The following NEGR1 variants were observed in gnomAD, a reference collection of about 807,000 sequenced individuals.
NEGR1 encodes neuronal growth regulator 1, also known as IgLON family member 4.
A neutral mutation model predicts 40.9 loss-of-function variants in NEGR1; 10 were observed. That is an observed-to-expected ratio of 0.24 (90% CI 0.15 to 0.42). The LOEUF is 0.42. Ranked by LOEUF, NEGR1 falls within the 10% of genes least tolerant of loss-of-function variation. The pLI is 1.00. For synonymous variants in NEGR1, 185 were observed against 166.8 expected (o/e 1.11, Z -0.84); for missense variants, 352 against 438.9 (o/e 0.80, Z 1.77).
chr1:72,210,484 T>C (rs528702105), intron 1 of NEGR1, among the ~76,000 whole-genome samples: 105 of 152,010 alleles, frequency 6.9e-4, no homozygotes, highest in African/African-American at 2.5e-3. Flanking sequence ...CATTATTACT[T>C]TAAGGAATAA....
Position 71,480,660 on chromosome 1 carries a change from C to A in NEGR1, c.941-73090G>T, listed in dbSNP as rs374996633. ...ATGATGTCTGTTGTCAGAGACCTTACTTCTATCTATACCACTATGCTGACT... is the reference window on the plus strand; with the variant it reads ...ATGATGTCTGTTGTCAGAGACCTTAATTCTATCTATACCACTATGCTGACT... On this transcript the variant is annotated intron_variant, in intron 6 of 6. Transcript: ENST00000357731. Among the ~76,000 whole-genome samples, 35 of 151,980 alleles carry A rather than the reference C, an allele frequency of 2.3e-4. 1 individual carries two copies. The East Asian group carries it at 3.9e-3, about 17-fold the overall frequency.
chr1:72,135,858 A>G (rs1650443409), intron 1 of NEGR1, among the ~76,000 whole-genome samples: 1 of 152,226 alleles, frequency 6.6e-6, no homozygotes, highest in Non-Finnish European at 1.5e-5. Context: ...TACTTTTAGT[A>G]GCTAGACTTG....
intron 4 of NEGR1, among the ~76,000 whole-genome samples, chr1:71,624,578 G>T (rs987325426): frequency 6.6e-6 from 1 of 151,948 alleles, no homozygotes; most frequent in Non-Finnish European, 1.5e-5. Flanking sequence ...TGTCCAATCT[G>T]CTCTAGCAAT....
chr1:71,751,110 T>C (rs968611933), intron 3 of NEGR1, among the ~76,000 whole-genome samples: 2 of 151,954 alleles, frequency 1.3e-5, no homozygotes. Flanking sequence ...TTCTTTAGCC[T>C]GTATCCCTTT....
At chr1:72,129,000 T>C (rs1440572342) in intron 1 of NEGR1, among the ~76,000 whole-genome samples, 1 of 152,180 alleles carries the variant, frequency 6.6e-6, no homozygotes, top group African/African-American at 2.4e-5. Context: ...CCAGGTTCTC[T>C]GGCTTTTGGA....
chr1:71,618,159 C>A (rs1650501531), intron 4 of NEGR1, among the ~76,000 whole-genome samples: 2 of 152,154 alleles, frequency 1.3e-5, no homozygotes, highest in African/African-American at 4.8e-5. Context: ...GACCTTATTT[C>A]TCCCAGCTGG....
intron 6 of NEGR1, among the ~76,000 whole-genome samples, chr1:71,462,799 ATAAT>A (rs1407892008): frequency 1.3e-5 from 2 of 152,182 alleles, no homozygotes; most frequent in Non-Finnish European, 2.9e-5. Flanking sequence ...CTCAAAAGGA[ATAAT>A]TAATTAGTAT....
At chr1:71,781,985 TA>T (rs1261146578) in intron 2 of NEGR1, among the ~76,000 whole-genome samples, 3 of 152,154 alleles carry the variant, frequency 2.0e-5, no homozygotes, top group African/African-American at 4.8e-5. Context: ...GAGTGAATTT[TA>T]AAAGATCAAA....
At chr1:71,529,769 C>T (rs1647298467) in intron 6 of NEGR1, among the ~76,000 whole-genome samples, 1 of 151,128 alleles carries the variant, frequency 6.6e-6, no homozygotes, top group South Asian at 2.1e-4. Context: ...TTTGCTAATT[C>T]ACCATATATC....
At chr1:72,225,454 A>AT (rs1262024244) in intron 1 of NEGR1, among the ~76,000 whole-genome samples, 15 of 151,744 alleles carry the variant, frequency 9.9e-5, no homozygotes, top group Non-Finnish European at 8.8e-5. Flanking sequence ...CATATTTTAC[A>AT]TAAAAATTAT....
intron 1 of NEGR1, among the ~76,000 whole-genome samples, chr1:72,000,576 G>A (rs2100380164): frequency 6.6e-6 from 1 of 152,092 alleles, no homozygotes; most frequent in East Asian, 1.9e-4. Flanking sequence ...TCTATTTTTA[G>A]TCAATATTTG....
chr1:71,626,667 C>CT (rs1172396217), intron 4 of NEGR1, among the ~76,000 whole-genome samples: 1 of 152,030 alleles, frequency 6.6e-6, no homozygotes, highest in African/African-American at 2.4e-5. Context: ...TAAAGAACTT[C>CT]TGCACTGCAA....
chr1:72,244,243 C>A (rs1333976464), intron 1 of NEGR1, among the ~76,000 whole-genome samples: 1 of 151,626 alleles, frequency 6.6e-6, no homozygotes, highest in Non-Finnish European at 1.5e-5. Context: ...AAGATATACA[C>A]CTTTTGGAAT....
chr1:72,118,303 T>A (rs1298898427), intron 1 of NEGR1, among the ~76,000 whole-genome samples: 2 of 151,880 alleles, frequency 1.3e-5, no homozygotes, highest in African/African-American at 4.8e-5. Flanking sequence ...TCTGGAAGAC[T>A]GGTTTCCTCA....
intron 3 of NEGR1, among the ~76,000 whole-genome samples, chr1:71,702,591 AT>A (rs955428689): frequency 7.2e-5 from 11 of 152,038 alleles, no homozygotes; most frequent in Non-Finnish European, 1.2e-4. Context: ...AAAGAATCAC[AT>A]TTCTAAATAT....
At chr1:71,476,489 T>A (rs1375153490) in intron 6 of NEGR1, among the ~76,000 whole-genome samples, 2 of 152,116 alleles carry the variant, frequency 1.3e-5, no homozygotes, top group South Asian at 2.1e-4. Context: ...TTTGTTTGCC[T>A]GGGGGCCTTA....
intron 1 of NEGR1, among the ~76,000 whole-genome samples, chr1:72,133,089 C>T (rs1443707004): frequency 6.6e-6 from 1 of 152,020 alleles, no homozygotes; most frequent in African/African-American, 2.4e-5. Flanking sequence ...CATAACAATA[C>T]TCATTTAAGA....
intron 1 of NEGR1, among the ~76,000 whole-genome samples, chr1:72,278,834 ATATT>A (rs1656150989): frequency 1.3e-5 from 2 of 152,188 alleles, no homozygotes; most frequent in South Asian, 4.1e-4. Context: ...ATTAAAGTCT[ATATT>A]TAATAAGTTA....
At chr1:72,276,588 C>T (rs936040194) in intron 1 of NEGR1, among the ~76,000 whole-genome samples, 1 of 152,098 alleles carries the variant, frequency 6.6e-6, no homozygotes, top group Admixed American at 6.6e-5. Context: ...GGTTTATTAA[C>T]ATAATCTGTG....
Sources: gnomAD v4.1 joint callset for allele counts (sites outside exome capture counted in the v4.1 genomes callset) on GRCh38, gnomAD v4.1.1 for gene constraint, MANE v1.5 for transcripts, NCBI Gene and HGNC (gene_info 2026-07-23, HGNC 2026-07-21) for gene names.